The following LRMDA variants were observed in gnomAD, a reference collection of about 807,000 sequenced individuals.
The protein encoded by LRMDA is leucine-rich melanocyte differentiation-associated protein.
LRMDA carries 18 observed loss-of-function variants against 29.8 expected under a neutral mutation model. The observed-to-expected ratio is 0.60, with a 90% CI of 0.42 to 0.90. The LOEUF is 0.90. Ranked by LOEUF, LRMDA falls within the 40% of genes least tolerant of loss-of-function variation. LRMDA has a pLI of 0.00. For missense variants in LRMDA, 273 were observed against 273.9 expected, an observed-to-expected ratio of 1.00 and a Z score of 0.02; for synonymous variants, 125 against 109.4, an observed-to-expected ratio of 1.14 and a Z score of -0.89.
At chr10:76,301,125 T>TA (rs1016977407) in intron 5 of LRMDA, among the ~76,000 whole-genome samples, 6 of 152,342 alleles carry the variant, frequency 3.9e-5, no homozygotes, top group Admixed American at 2.0e-4. Flanking sequence ...ATTAAAAATT[T>TA]AAAAAATTAC....
intron 5 of LRMDA, among the ~76,000 whole-genome samples, chr10:76,136,800 T>G (rs1193377224): frequency 6.6e-6 from 1 of 152,192 alleles, no homozygotes; most frequent in Non-Finnish European, 1.5e-5. Flanking sequence ...TTATTAAAAT[T>G]ATATGATGGA....
At position 75,802,353 on chromosome 10, in the gene LRMDA, A is replaced by G. The variant is rs559194647; in HGVS notation, c.132-233655A>G. On this transcript the variant is annotated intron_variant, in intron 2 of 6. Coordinates refer to ENST00000611255, the MANE Select transcript of LRMDA (RefSeq NM_001305581.2). ...CACACGCGCACACACACACACACAC[A>G]CACACACACACACAATAGGGAAGGA... Among the ~76,000 whole-genome samples the G allele has an allele frequency of 5.5e-4, 81 of 147,424 alleles. 1 individual carries two copies. In the South Asian group the frequency reaches 0.016, roughly 30 times the overall value.
chr10:75,562,953 GC>G (rs1420956549), intron 2 of LRMDA, among the ~76,000 whole-genome samples: 2 of 152,052 alleles, frequency 1.3e-5, no homozygotes, highest in African/African-American at 2.4e-5. Context: ...CTCTCTGGCT[GC>G]CCTTAACATT....
chr10:76,205,274 G>A (rs893446161), intron 5 of LRMDA, among the ~76,000 whole-genome samples: 1 of 152,116 alleles, frequency 6.6e-6, no homozygotes, highest in African/African-American at 2.4e-5. Context: ...ACCAGATGGG[G>A]TGCCTCTTCT....
chr10:75,458,866 C>A (rs1844551465), intron 2 of LRMDA, among the ~76,000 whole-genome samples: 1 of 152,134 alleles, frequency 6.6e-6, no homozygotes, highest in African/African-American at 2.4e-5. Context: ...TTGCAAGGAG[C>A]AAGCGGCTAT....
intron 6 of LRMDA, among the ~76,000 whole-genome samples, chr10:76,456,651 A>AT (rs1340159647): frequency 3.3e-5 from 5 of 149,758 alleles, no homozygotes; most frequent in East Asian, 2.0e-4. Flanking sequence ...TTGCACTCTT[A>AT]TTAAAAAAAA....
At chr10:76,398,653 C>G (rs1589165937) in intron 6 of LRMDA, among the ~76,000 whole-genome samples, 1 of 152,184 alleles carries the variant, frequency 6.6e-6, no homozygotes, top group East Asian at 1.9e-4. Context: ...AAATTACATT[C>G]AGACATTCAA....
At chr10:76,290,899 A>G (rs1050784708) in intron 5 of LRMDA, among the ~76,000 whole-genome samples, 1 of 152,228 alleles carries the variant, frequency 6.6e-6, no homozygotes. Context: ...GTGATGTGAA[A>G]AAGAGTCATG....
chr10:76,173,958 C>A (rs1443362676), intron 5 of LRMDA, among the ~76,000 whole-genome samples: 1 of 152,170 alleles, frequency 6.6e-6, no homozygotes, highest in African/African-American at 2.4e-5. Context: ...CTGCATCTGG[C>A]CTGCCATATG....
In LRMDA at chr10:76,218,641, G is replaced by A. The variant is rs141210771; in HGVS notation, c.517-105760G>A. 2.0e-5 allele frequency among the ~76,000 whole-genome samples: 3 copies of A among 152,320 alleles called. No homozygotes were observed. The East Asian group carries it at 5.8e-4, about 29-fold the overall frequency. ...ACTTAAAAAATGAAATGGACAATGA[G>A]ATCTCTTCTTTGGTCATCCAGGTGG... is the stretch of plus-strand genomic sequence containing the variant. On this transcript the variant is annotated intron_variant, in intron 5 of 6. Coordinates refer to ENST00000611255, the MANE Select transcript of LRMDA (RefSeq NM_001305581.2).
intron 6 of LRMDA, among the ~76,000 whole-genome samples, chr10:76,474,728 G>C (rs2132320255): frequency 6.6e-6 from 1 of 151,702 alleles, no homozygotes; most frequent in Middle Eastern, 3.4e-3. Context: ...ATAATAACAA[G>C]TGTAGGGTGT....
At chr10:75,849,877 ATTAG>A (rs950819274) in intron 2 of LRMDA, among the ~76,000 whole-genome samples, 5 of 152,332 alleles carry the variant, frequency 3.3e-5, no homozygotes, top group South Asian at 4.1e-4. Flanking sequence ...TAGTTATAGT[ATTAG>A]TTAGTTGTCT....
Position 76,151,184 on chromosome 10 carries a change from C to G in LRMDA, c.516+92401C>G, listed in dbSNP as rs150543168. Among the ~76,000 whole-genome samples, 1,032 of 152,264 alleles carry G rather than the reference C, an allele frequency of 6.8e-3. 2 individuals are homozygous for G. The highest frequency in any genetic ancestry group is 0.012 in the Admixed American group (183 of 15,290). The stretch of plus-strand genomic sequence containing the variant: ...TTCCTGTGAAGATCTTCGTTGTCAG[C>G]TTTTGGTGACTTTTACACCCTCCAG... On this transcript the variant is annotated intron_variant, in intron 5 of 6. Transcript: ENST00000611255.
rs1183989010 is a variant in LRMDA at position 75,578,215 on chromosome 10, C to CAAAAAAAAAAAAAAAAAAAAAAAAAAAAA, written c.131+139745_131+139746insAAAAAAAAAAAAAAAAAAAAAAAAAAAAA. Among the ~76,000 whole-genome samples the CAAAAAAAAAAAAAAAAAAAAAAAAAAAAA allele has an allele frequency of 3.5e-4, 5 of 14,226 alleles. 1 individual carries two copies. Among genetic ancestry groups the CAAAAAAAAAAAAAAAAAAAAAAAAAAAAA allele is most frequent in the Non-Finnish European group, 5.1e-4 (3 of 5,888 alleles). 9.3% of individuals were successfully genotyped at this position (14,226 alleles called of 152,430 possible). ...GTATATTTACCAAGCAAATGGAAAG[C>CAAAAAAAAAAAAAAAAAAAAAAAAAAAAA]AAAAAAAAAAAAAAAAAAAAAAAAG... On this transcript the variant is annotated intron_variant, in intron 2 of 6. Transcript: ENST00000611255.
chr10:75,527,986 A>C (rs1212925961), intron 2 of LRMDA, among the ~76,000 whole-genome samples: 1 of 151,818 alleles, frequency 6.6e-6, no homozygotes, highest in Non-Finnish European at 1.5e-5. Context: ...GGGTTTCGCC[A>C]TGTTGCCCAG....
chr10:75,791,363 G>A (rs1349478805), intron 2 of LRMDA, among the ~76,000 whole-genome samples: 3 of 152,098 alleles, frequency 2.0e-5, no homozygotes, highest in Admixed American at 6.6e-5. Flanking sequence ...TCCATAAGCA[G>A]TAATAAACAA....
At chr10:76,482,211 AT>A (rs1842739389) in intron 6 of LRMDA, among the ~76,000 whole-genome samples, 1 of 151,920 alleles carries the variant, frequency 6.6e-6, no homozygotes, top group African/African-American at 2.4e-5. Context: ...GGCACTTTTT[AT>A]TGAAGTATTA....
At chr10:76,476,940 T>C (rs1842679973) in intron 6 of LRMDA, among the ~76,000 whole-genome samples, 1 of 152,112 alleles carries the variant, frequency 6.6e-6, no homozygotes, top group Non-Finnish European at 1.5e-5. Flanking sequence ...CCACAGCCAT[T>C]ATCATACTGA....
intron 5 of LRMDA, among the ~76,000 whole-genome samples, chr10:76,205,330 A>T (rs1242516095): frequency 1.3e-5 from 2 of 152,158 alleles, no homozygotes; most frequent in African/African-American, 4.8e-5. Flanking sequence ...TTCGAGGTGG[A>T]TTCAATTCTT....
Sources: allele counts gnomAD v4.1 joint callset (sites outside exome capture counted in the v4.1 genomes callset), GRCh38; gene constraint gnomAD v4.1.1; transcripts MANE v1.5; gene names NCBI Gene and HGNC (gene_info 2026-07-23, HGNC 2026-07-21).